ADAMTSL1: variants seen among roughly 807,000 people sequenced by gnomAD.
ADAMTSL1 encodes the protein ADAMTS-like protein 1.
A neutral mutation model predicts 201.8 loss-of-function variants in ADAMTSL1; 126 were observed. The observed-to-expected ratio is 0.62, with a 90% confidence interval of 0.54 to 0.72. The LOEUF is 0.72. Among genes scored for constraint, ADAMTSL1 ranks in the 30% least tolerant of loss-of-function variants. The probability of loss-of-function intolerance (pLI) is 0.00; values close to 1 mark genes in which losing one functional copy is unlikely to be tolerated. For missense variants in ADAMTSL1, 2,679 were observed against 2,277.8 expected, an observed-to-expected ratio of 1.18 and a Z score of -3.59; for synonymous variants, 1,121 against 903.4, an observed-to-expected ratio of 1.24 and a Z score of -4.32.
chr9:18,767,734 C>A (rs539485670), intron 16 of ADAMTSL1, among the ~76,000 whole-genome samples: 3 of 152,144 alleles, frequency 2.0e-5, no homozygotes, highest in African/African-American at 7.2e-5. Flanking sequence ...GAAGTGAAAT[C>A]CTTTAATGTC....
intron 2 of ADAMTSL1, among the ~76,000 whole-genome samples, chr9:18,393,093 A>G (rs2791447): frequency 6.6e-6 from 1 of 152,092 alleles, no homozygotes; most frequent in Non-Finnish European, 1.5e-5. Flanking sequence ...CTTTGAGTAT[A>G]CTACTCAGGT....
chr9:17,967,357 C>G (rs1818015800), intron 1 of ADAMTSL1, among the ~76,000 whole-genome samples: 1 of 152,056 alleles, frequency 6.6e-6, no homozygotes, highest in South Asian at 2.1e-4. Flanking sequence ...TTTGCCAATT[C>G]AATTTGCCAT....
At chr9:18,679,545 C>A (rs1830324179) in intron 10 of ADAMTSL1, among the ~76,000 whole-genome samples, 1 of 152,134 alleles carries the variant, frequency 6.6e-6, no homozygotes, top group East Asian at 1.9e-4. Flanking sequence ...TTGTTATTTT[C>A]TACCTTACTT....
rs145344114 is a variant in ADAMTSL1 at position 18,864,146 on chromosome 9, C to G, written c.4250-23685C>G. ...AAATTCCCAGAGTACTACTTTTTCT[C>G]CTCCTCTTTTAGATTGTATATTCTT... On this transcript the variant is annotated intron_variant, in intron 23 of 28. Coordinates refer to ENST00000380548, the MANE Select transcript of ADAMTSL1 (RefSeq NM_001040272.6). Among the ~76,000 whole-genome samples, 326 of 152,276 alleles carry G rather than the reference C, an allele frequency of 2.1e-3. 2 individuals carry two copies. The highest frequency in any genetic ancestry group is 7.5e-3 in the African/African-American group (311 of 41,574).
intron 2 of ADAMTSL1, among the ~76,000 whole-genome samples, chr9:18,172,334 A>T (rs1457744346): frequency 1.3e-5 from 2 of 152,104 alleles, no homozygotes; most frequent in Non-Finnish European, 2.9e-5. Flanking sequence ...ATAGAAAAAA[A>T]TGAATCATTA....
intron 1 of ADAMTSL1, among the ~76,000 whole-genome samples, chr9:18,070,685 T>C (rs1284002099): frequency 6.6e-6 from 1 of 152,026 alleles, no homozygotes; most frequent in African/African-American, 2.4e-5. Context: ...CAAAGCCCCT[T>C]GGGAGAAGGA....
chr9:18,859,781 T>C (rs1228595159), intron 23 of ADAMTSL1, among the ~76,000 whole-genome samples: 1 of 152,230 alleles, frequency 6.6e-6, no homozygotes, highest in Non-Finnish European at 1.5e-5. Flanking sequence ...AAACATGTAA[T>C]TATCTATAAA....
chr9:18,545,674 T>G (rs539882160), intron 3 of ADAMTSL1, among the ~76,000 whole-genome samples: 1 of 152,288 alleles, frequency 6.6e-6, no homozygotes, highest in South Asian at 2.1e-4. Flanking sequence ...AAGTCAATAC[T>G]CCTCAGAATT....
At chr9:18,541,046 C>G (rs1332103963) in intron 3 of ADAMTSL1, among the ~76,000 whole-genome samples, 3 of 152,190 alleles carry the variant, frequency 2.0e-5, no homozygotes, top group African/African-American at 7.2e-5. Flanking sequence ...ACTATATAAC[C>G]TCCCCTAAGA....
At chr9:18,540,341 G>A (rs897773608) in intron 3 of ADAMTSL1, among the ~76,000 whole-genome samples, 4 of 152,190 alleles carry the variant, frequency 2.6e-5, no homozygotes, top group Non-Finnish European at 5.9e-5. Flanking sequence ...TAGCCAAAAG[G>A]CCGAGAAGCG....
Position 18,366,627 on chromosome 9 carries a change from A to ATTTTTTTTTTTTTTTTTTTTT in ADAMTSL1, c.208-138182_208-138162dup. Among the ~76,000 whole-genome samples the ATTTTTTTTTTTTTTTTTTTTT allele has an allele frequency of 1.8e-5, 2 of 112,800 alleles. 1 individual carries two copies. The highest frequency in any genetic ancestry group is 2.1e-4 in the Admixed American group (2 of 9,460). 74.0% of individuals were successfully genotyped at this position (112,800 alleles called of 152,430 possible). A position where few individuals can be genotyped will look rare whatever the true frequency, so the allele number is the denominator to read the frequency against. On this transcript the variant is annotated intron_variant, in intron 2 of 29. Transcript: ENST00000680146. ...ATGGATAGTGCCTCTGAAATCACTA[A>ATTTTTTTTTTTTTTTTTTTTT]TTTTTTTTTTTTTTTTTTTTTTTTT...
chr9:18,377,718 C>T (rs1047391894), intron 2 of ADAMTSL1, among the ~76,000 whole-genome samples: 1 of 152,110 alleles, frequency 6.6e-6, no homozygotes, highest in African/African-American at 2.4e-5. Context: ...AGTCGCGTGC[C>T]ACCACGCCCG....
chr9:18,355,149 C>A (rs143004658), intron 2 of ADAMTSL1, among the ~76,000 whole-genome samples: 10 of 152,260 alleles, frequency 6.6e-5, no homozygotes, highest in East Asian at 3.9e-4. Flanking sequence ...CTGAATCCTG[C>A]TGTTTCACCT....
chr9:18,211,024 T>C (rs530171488), intron 2 of ADAMTSL1, among the ~76,000 whole-genome samples: 60 of 151,338 alleles, frequency 4.0e-4, no homozygotes, highest in Non-Finnish European at 4.6e-4. Flanking sequence ...GAGGAAGTGA[T>C]ATTTAAGCCA....
At chr9:17,946,174 A>C (rs1198649459) in intron 1 of ADAMTSL1, among the ~76,000 whole-genome samples, 1 of 140,136 alleles carries the variant, frequency 7.1e-6, no homozygotes, top group African/African-American at 2.7e-5. Flanking sequence ...TTTTTTTTTT[A>C]TTTTGAGTAG....
rs150986088 is a variant in ADAMTSL1, at chr9:18,358,116, G to T, written c.208-146713G>T. On this transcript the variant is annotated intron_variant, in intron 2 of 29. Coordinates refer to the ADAMTSL1 transcript ENST00000680146. The stretch of plus-strand genomic sequence containing the variant: ...TTACTTTGGTCAAGTCAGTTAATCA[G>T]TTTTCTCATCTGCACATTTAGAATA... Among the ~76,000 whole-genome samples the T allele has an allele frequency of 6.4e-3, 976 of 152,248 alleles. 16 individuals carry two copies. The highest frequency in any genetic ancestry group is 6.8e-3 in the Middle Eastern group (2 of 294).
chr9:18,735,170 G>A (rs1381203233), intron 15 of ADAMTSL1, among the ~76,000 whole-genome samples: 1 of 152,160 alleles, frequency 6.6e-6, no homozygotes, highest in Non-Finnish European at 1.5e-5. Flanking sequence ...AAGAAGACAG[G>A]GAAATGTATT....
intron 2 of ADAMTSL1, among the ~76,000 whole-genome samples, chr9:18,320,044 G>C (rs1436835228): frequency 6.6e-6 from 1 of 152,008 alleles, no homozygotes; most frequent in East Asian, 1.9e-4. Flanking sequence ...CTAGAGTTGA[G>C]AACAGCCCTC....
intron 20 of ADAMTSL1, among the ~76,000 whole-genome samples, chr9:18,810,402 A>G (rs1187423732): frequency 6.6e-6 from 1 of 152,230 alleles, no homozygotes; most frequent in Admixed American, 6.5e-5. Context: ...AGCTTCTATT[A>G]TGAGGCTGTG....
Sources: allele counts gnomAD v4.1 joint callset (sites outside exome capture counted in the v4.1 genomes callset), GRCh38; gene constraint gnomAD v4.1.1; transcripts MANE v1.5; gene names NCBI Gene and HGNC (gene_info 2026-07-23, HGNC 2026-07-21).